TANGO2: variants seen among roughly 807,000 people sequenced by gnomAD.
The protein encoded by TANGO2 is transport and Golgi organization protein 2 homolog.
Under a neutral mutation model 39.1 loss-of-function variants are expected in TANGO2, and 26 were observed. The ratio of observed to expected loss-of-function variants is 0.67; its 90% CI spans 0.49 to 0.92. The LOEUF (loss-of-function observed/expected upper bound fraction) is 0.92. Among genes scored for constraint, TANGO2 ranks in the 40% least tolerant of loss-of-function variants. The probability of loss-of-function intolerance (pLI) is 0.00; values close to 1 mark genes in which losing one functional copy is unlikely to be tolerated. For synonymous variants in TANGO2, 131 were observed against 144.5 expected (o/e 0.91, Z 0.67); for missense variants, 326 against 360.1 (o/e 0.91, Z 0.77).
At chr22:20,033,019 C>T (rs147238892) in intron 1 of TANGO2, 96 of 376,790 alleles carry the variant, frequency 2.5e-4, no homozygotes, top group South Asian at 6.1e-4. Context: ...TTAGGGAGCA[C>T]ACAGGGGCCC....
At chr22:20,061,294 C>T (rs1013355810) in intron 6 of TANGO2, 2 of 451,472 alleles carry the variant, frequency 4.4e-6, no homozygotes, top group Non-Finnish European at 7.8e-6. Flanking sequence ...GCATCTGTGC[C>T]TTGTGGTCTC....
rs530901099 is a variant in TANGO2 at position 20,056,196 on chromosome 22, C to A, written c.451+183C>A. 2.0e-4 allele frequency: 142 copies of A among 702,084 alleles called. No individual in the cohort carries two copies. In the African/African-American group the frequency reaches 2.5e-3, roughly 12 times the overall value. 43.5% of individuals were successfully genotyped at this position (702,084 alleles called of 1,614,324 possible). On this transcript the variant is annotated intron_variant, in intron 6 of 8. Coordinates refer to ENST00000327374, the MANE Select transcript of TANGO2 (RefSeq NM_152906.7). ...CTGGACACTTCAGAGAGCCCTGGCT[C>A]CCTGCTCACCCCCTCCCCATGGGCT...
intron 5 of TANGO2, chr22:20,055,171 C>T (rs1451430760): frequency 6.6e-6 from 1 of 152,286 alleles, no homozygotes; most frequent in East Asian, 1.9e-4. Context: ...TCACAGGCCA[C>T]AAAGAGATCC....
intron 6 of TANGO2, 64 bp downstream of exon 6, chr22:20,056,077 C>A: frequency 7.6e-7 from 1 of 1,308,762 alleles, no homozygotes; most frequent in Non-Finnish European, 1.1e-6. Context: ...CACCCTTGTG[C>A]TTTTTAGAGA....
intron 1 of TANGO2, among the ~76,000 whole-genome samples, chr22:20,022,307 C>T (rs543581701): frequency 7.9e-5 from 12 of 152,314 alleles, no homozygotes; most frequent in African/African-American, 2.2e-4. Context: ...CTGTGTCCTG[C>T]GTCTGTGTTG....
chr22:20,018,048 T>C (rs768761545), upstream of TANGO2, among the ~76,000 whole-genome samples: 2 of 152,202 alleles, frequency 1.3e-5, no homozygotes, highest in Admixed American at 6.5e-5. Context: ...TCCACCCATA[T>C]TGGGAGTCCA....
chr22:20,027,629 T>C (rs892054242), intron 1 of TANGO2, among the ~76,000 whole-genome samples: 1 of 151,716 alleles, frequency 6.6e-6, no homozygotes, highest in African/African-American at 2.4e-5. Flanking sequence ...TTTTTGAGAC[T>C]CAGAGTCTTG....
chr22:20,034,547 G>T (rs1332674987), intron 1 of TANGO2, among the ~76,000 whole-genome samples: 1 of 152,160 alleles, frequency 6.6e-6, no homozygotes, highest in South Asian at 2.1e-4. Flanking sequence ...GTGGGTCCTT[G>T]TACCCCCAGT....
At chr22:20,019,489 C>T (rs2039415116), upstream of TANGO2, among the ~76,000 whole-genome samples, 1 of 152,218 alleles carries the variant, frequency 6.6e-6, no homozygotes, top group Admixed American at 6.5e-5. Context: ...AGTGTCTGCT[C>T]TGGCTCTGTC....
In TANGO2 at chr22:20,044,941, G is replaced by T. The variant is rs139015863; in HGVS notation, c.145+1498G>T. On this transcript the variant is annotated intron_variant, in intron 3 of 8. Transcript: ENST00000327374. Reference sequence around the variant, plus strand: ...CCAGCAGCTCCAGTCTTGTGGAATTGTTCACCCCTGTGGTGTTTTGATGGT... The same window carrying T: ...CCAGCAGCTCCAGTCTTGTGGAATTTTTCACCCCTGTGGTGTTTTGATGGT... 9.2e-4 allele frequency among the ~76,000 whole-genome samples: 140 copies of T among 152,296 alleles called. 1 individual carries two copies. Among genetic ancestry groups the T allele is most frequent in the Middle Eastern group, 6.8e-3 (2 of 294 alleles).
intron 1 of TANGO2, among the ~76,000 whole-genome samples, chr22:20,033,931 C>G (rs1458635749): frequency 6.6e-6 from 1 of 152,238 alleles, no homozygotes; most frequent in Non-Finnish European, 1.5e-5. Context: ...TTTGGCCAGG[C>G]ATGGTGGCTC....
chr22:20,064,497 G>A lies in TANGO2; in HGVS notation c.711-45G>A, dbSNP rs1483189043. ...ATTTGTGGCTGTGACAGGCAGGGCA[G>A]GGCTGAGGGACACCAGGTGAACGAG... On this transcript the variant is annotated intron_variant, in intron 8 of 8. Coordinates refer to ENST00000327374, the MANE Select transcript of TANGO2 (RefSeq NM_152906.7). 1.9e-6 allele frequency: 3 copies of A among 1,612,064 alleles called. No homozygotes were observed. The Admixed American group carries it at 5.0e-5, about 27-fold the overall frequency.
At chr22:20,017,197 C>G (rs1308725717), upstream of TANGO2, 2 of 152,324 alleles carry the variant, frequency 1.3e-5, no homozygotes, top group Admixed American at 1.3e-4. Flanking sequence ...TCACAGGTAT[C>G]CTTCTTCAGC....
intron 1 of TANGO2, among the ~76,000 whole-genome samples, chr22:20,023,434 G>T (rs995814226): frequency 6.6e-6 from 1 of 152,232 alleles, no homozygotes; most frequent in Non-Finnish European, 1.5e-5. Flanking sequence ...CTTGCTGTCT[G>T]CTCACGATGC....
At chr22:20,050,019 T>C (rs946044667) in intron 3 of TANGO2, among the ~76,000 whole-genome samples, 18 of 152,158 alleles carry the variant, frequency 1.2e-4, no homozygotes, top group African/African-American at 3.9e-4. Flanking sequence ...CCATCTTGGC[T>C]AACACGGTGA....
chr22:20,056,690 G>T (rs575719602), intron 6 of TANGO2: 1 of 456,662 alleles, frequency 2.2e-6, no homozygotes, highest in South Asian at 1.5e-5. Context: ...TGTTCTGGGA[G>T]GGAGGTCTGC....
chr22:20,045,910 C>A (rs2045086813), intron 3 of TANGO2, among the ~76,000 whole-genome samples: 1 of 152,018 alleles, frequency 6.6e-6, no homozygotes, highest in Non-Finnish European at 1.5e-5. Flanking sequence ...CTCTGCGATG[C>A]TCTCTGCGTA....
chr22:20,033,424 CCTGT>C (rs1269561805), intron 1 of TANGO2, among the ~76,000 whole-genome samples: 1 of 152,220 alleles, frequency 6.6e-6, no homozygotes, highest in East Asian at 1.9e-4. Flanking sequence ...TGCCTTTCTG[CCTGT>C]CTGTCCTACG....
intron 3 of TANGO2, among the ~76,000 whole-genome samples, chr22:20,045,255 G>A (rs2044900865): frequency 7.0e-6 from 1 of 143,218 alleles, no homozygotes; most frequent in Non-Finnish European, 1.5e-5. Context: ...GGGCAACGTA[G>A]TGAGTCCCTG....
Sources: gnomAD v4.1 joint callset for allele counts (sites outside exome capture counted in the v4.1 genomes callset) on GRCh38, gnomAD v4.1.1 for gene constraint, MANE v1.5 for transcripts, NCBI Gene and HGNC (gene_info 2026-07-23, HGNC 2026-07-21) for gene names.